ATP8A2: variants seen among roughly 807,000 people sequenced by gnomAD.
ATP8A2 encodes phospholipid-transporting ATPase IB.
In ATP8A2, 100 loss-of-function variants were observed where a neutral mutation model predicts 165.6. That is an observed-to-expected ratio of 0.60 (90% CI 0.51 to 0.71). The LOEUF is 0.71. Among genes scored for constraint, ATP8A2 ranks in the 30% least tolerant of loss-of-function variants. The probability of loss-of-function intolerance (pLI) is 0.00; values close to 1 mark genes in which losing one functional copy is unlikely to be tolerated. For missense variants in ATP8A2, 1,227 were observed against 1,479.5 expected, an observed-to-expected ratio of 0.83 and a Z score of 2.80; for synonymous variants, 543 against 548.8, an observed-to-expected ratio of 0.99 and a Z score of 0.15.
intron 24 of ATP8A2, among the ~76,000 whole-genome samples, chr13:25,633,055 A>C (rs11843560): frequency 0.035 from 5,270 of 152,338 alleles, 157 homozygotes; most frequent in East Asian, 0.13. Context: ...TTTGATTCTC[A>C]AAGTATTGAA....
intron 30 of ATP8A2, among the ~76,000 whole-genome samples, chr13:25,848,913 A>AATATAT (rs1290990315): frequency 1.3e-5 from 2 of 152,094 alleles, no homozygotes; most frequent in East Asian, 3.9e-4. Context: ...TGGAAGTTGG[A>AATATAT]ATATATCTTC....
chr13:25,430,770 G>A (rs1169871881), intron 1 of ATP8A2, among the ~76,000 whole-genome samples: 1 of 151,932 alleles, frequency 6.6e-6, no homozygotes, highest in Non-Finnish European at 1.5e-5. Flanking sequence ...GCAAATTTTT[G>A]TATTTTTAGT....
intron 24 of ATP8A2, among the ~76,000 whole-genome samples, chr13:25,628,463 T>C (rs1302170978): frequency 1.3e-5 from 2 of 152,198 alleles, no homozygotes; most frequent in Non-Finnish European, 1.5e-5. Flanking sequence ...TTGCCTTTTA[T>C]TCATTCTCAT....
chr13:25,541,477 T>G (rs2038475762), intron 8 of ATP8A2, among the ~76,000 whole-genome samples: 1 of 152,032 alleles, frequency 6.6e-6, no homozygotes, highest in Admixed American at 6.5e-5. Context: ...GAACCATGAT[T>G]GCACCACTGC....
intron 26 of ATP8A2, among the ~76,000 whole-genome samples, chr13:25,773,365 C>T (rs993139366): frequency 2.6e-5 from 4 of 152,182 alleles, no homozygotes; most frequent in Non-Finnish European, 5.9e-5. Context: ...CGCACCAGAC[C>T]AGAGAAACTC....
intron 2 of ATP8A2, among the ~76,000 whole-genome samples, chr13:25,515,121 C>T (rs528848259): frequency 6.6e-6 from 1 of 152,278 alleles, no homozygotes; most frequent in Admixed American, 6.5e-5. Context: ...CTCCTCCTGC[C>T]CGACAATCTT....
At chr13:25,523,670 C>G (rs545297669) in intron 2 of ATP8A2, among the ~76,000 whole-genome samples, 1 of 151,976 alleles carries the variant, frequency 6.6e-6, no homozygotes, top group South Asian at 2.1e-4. Flanking sequence ...TCATAGTAGT[C>G]TCTAATGATT....
chr13:25,948,152 T>C (rs553408159), intron 33 of ATP8A2, among the ~76,000 whole-genome samples: 31 of 152,190 alleles, frequency 2.0e-4, no homozygotes, highest in Non-Finnish European at 4.1e-4. Context: ...ATAGCACAGC[T>C]CAACCCTTCC....
intron 33 of ATP8A2, among the ~76,000 whole-genome samples, chr13:25,902,050 A>G (rs1953765721): frequency 6.6e-6 from 1 of 152,256 alleles, no homozygotes. Context: ...TCATAGTTAT[A>G]GAAAAGGATA....
chr13:25,688,160 C>T (rs890637594), intron 24 of ATP8A2, among the ~76,000 whole-genome samples: 13 of 152,070 alleles, frequency 8.5e-5, no homozygotes, highest in African/African-American at 2.7e-4. Context: ...CATTCTGAAA[C>T]TCTTGGGCCT....
At chr13:25,616,488 T>C (rs944483652) in intron 24 of ATP8A2, among the ~76,000 whole-genome samples, 1 of 151,856 alleles carries the variant, frequency 6.6e-6, no homozygotes, top group Non-Finnish European at 1.5e-5. Flanking sequence ...CCCGCCACCA[T>C]GCACAGATAA....
chr13:25,624,585 TGTATTTCCCAAGCACAAATTACA>T (rs2041055753), intron 24 of ATP8A2, among the ~76,000 whole-genome samples: 1 of 152,212 alleles, frequency 6.6e-6, no homozygotes, highest in Non-Finnish European at 1.5e-5. Context: ...AGGTGAACAA[TGTATTTCCCAAGCACAAATTACA>T]GTATTTCCTC....
chr13:25,588,315 A>G (rs1222578931), intron 23 of ATP8A2, among the ~76,000 whole-genome samples: 17 of 152,090 alleles, frequency 1.1e-4, no homozygotes, highest in Admixed American at 1.1e-3. Context: ...AAAACCCACA[A>G]CATGGTTTTT....
intron 12 of ATP8A2, 114 bp downstream of exon 12, chr13:25,554,034 G>T: frequency 8.9e-7 from 1 of 1,128,194 alleles, no homozygotes; most frequent in Middle Eastern, 2.1e-4. Flanking sequence ...TAGGTCCAGG[G>T]GCTTAAACTG....
In ATP8A2 at chr13:25,504,746, C is replaced by CAAAAA. The variant is rs34066777; in HGVS notation, c.222-25236_222-25232dup. Among the ~76,000 whole-genome samples, 168 of 84,636 alleles carry CAAAAA rather than the reference C, an allele frequency of 2.0e-3. 3 individuals are homozygous for CAAAAA. The highest frequency in any genetic ancestry group is 2.7e-3 in the Non-Finnish European group (124 of 46,714). The allele number at this position is 84,636 out of a possible 152,430, so 55.5% of individuals were successfully genotyped here. A position where few individuals can be genotyped will look rare whatever the true frequency, so the allele number is the denominator to read the frequency against. Reference sequence around the variant, plus strand: ...TGGGCGACAGAGCGAGACTCCGTCTCAAAAAAAAAAAAAAAAAAAAAGTAT... The same window carrying CAAAAA: ...TGGGCGACAGAGCGAGACTCCGTCTCAAAAAAAAAAAAAAAAAAAAAAAAAAGTAT... On this transcript the variant is annotated intron_variant, in intron 2 of 36. Coordinates refer to ENST00000381655, the MANE Select transcript of ATP8A2 (RefSeq NM_016529.6).
intron 25 of ATP8A2, among the ~76,000 whole-genome samples, chr13:25,768,160 C>G (rs1389567793): frequency 6.6e-6 from 1 of 151,980 alleles, no homozygotes; most frequent in Admixed American, 6.6e-5. Context: ...CATCAGCTTA[C>G]CAATTCAGAA....
At chr13:25,483,740 G>GA (rs893696389) in intron 2 of ATP8A2, among the ~76,000 whole-genome samples, 2 of 152,070 alleles carry the variant, frequency 1.3e-5, no homozygotes, top group African/African-American at 4.8e-5. Context: ...ATGTCTACAA[G>GA]AAAAAAATAA....
At chr13:25,379,216 C>A (rs940583099) in intron 1 of ATP8A2, among the ~76,000 whole-genome samples, 4 of 151,912 alleles carry the variant, frequency 2.6e-5, no homozygotes, top group African/African-American at 4.8e-5. Flanking sequence ...GGGTGCTCCT[C>A]CTCCCTTTTC....
intron 2 of ATP8A2, among the ~76,000 whole-genome samples, chr13:25,513,628 C>T (rs1404678160): frequency 2.6e-5 from 4 of 152,068 alleles, no homozygotes; most frequent in South Asian, 2.1e-4. Flanking sequence ...GAGGTTGTAG[C>T]GAGCCGAGAT....
Sources: gnomAD v4.1 joint callset for allele counts (sites outside exome capture counted in the v4.1 genomes callset) on GRCh38, gnomAD v4.1.1 for gene constraint, MANE v1.5 for transcripts, NCBI Gene and HGNC (gene_info 2026-07-23, HGNC 2026-07-21) for gene names.